ABCA4: variants seen among roughly 807,000 people sequenced by gnomAD.
ABCA4 encodes the protein ATP binding cassette subfamily A member 4, also known as retinal-specific phospholipid-transporting ATPase ABCA4.
A neutral mutation model predicts 263.7 loss-of-function variants in ABCA4; 196 were observed. That is an observed-to-expected ratio of 0.74 (90% CI 0.66 to 0.84). ABCA4 has a LOEUF of 0.84. Ranked by LOEUF, ABCA4 falls within the 40% of genes least tolerant of loss-of-function variation. ABCA4 has a pLI of 0.00. For synonymous variants in ABCA4, 1,133 were observed against 1,094.2 expected (o/e 1.04, Z -0.70); for missense variants, 2,792 against 2,855.1 (o/e 0.98, Z 0.50).
chr1:94,072,791 C>T (rs760240811), intron 11 of ABCA4, among the ~76,000 whole-genome samples: 1 of 152,206 alleles, frequency 6.6e-6, no homozygotes, highest in Non-Finnish European at 1.5e-5. Context: ...TATTTTCCTA[C>T]TCCACTGCCT....
intron 14 of ABCA4, among the ~76,000 whole-genome samples, chr1:94,060,183 A>G (rs1661080947): frequency 6.6e-6 from 1 of 152,220 alleles, no homozygotes; most frequent in Non-Finnish European, 1.5e-5. Context: ...CACTCCCTGA[A>G]CTGATTTTTT....
intron 19 of ABCA4, among the ~76,000 whole-genome samples, 195 bp from the exon 20 acceptor site, chr1:94,044,939 C>A (rs1437908025): frequency 6.6e-6 from 1 of 152,230 alleles, no homozygotes; most frequent in Non-Finnish European, 1.5e-5. Flanking sequence ...AGAGGGCCAC[C>A]TCTGCCATCC....
At chr1:94,024,814 G>A in intron 31 of ABCA4, 140 bp downstream of exon 31, 1 of 684,358 alleles carries the variant, frequency 1.5e-6, no homozygotes, top group African/African-American at 1.8e-5. Context: ...TATGTTGAAT[G>A]GGGCCCTCAA....
chr1:94,018,789 G>A (rs956662329), intron 36 of ABCA4, among the ~76,000 whole-genome samples: 1 of 152,074 alleles, frequency 6.6e-6, no homozygotes, highest in African/African-American at 2.4e-5. Flanking sequence ...CCTGCAGCCT[G>A]TAATAGGGTA....
At chr1:94,005,322 T>C in intron 44 of ABCA4, 119 bp downstream of exon 44, 2 of 1,336,590 alleles carry the variant, frequency 1.5e-6, no homozygotes, top group Non-Finnish European at 2.1e-6. Context: ...AGTAAACATT[T>C]GTTGGAATGA....
At position 94,001,931 on chromosome 1, in the gene ABCA4, G is replaced by A. The variant is rs778066205; in HGVS notation, c.6209C>T (p.Thr2070Met). 1 of 1,614,162 alleles carries A rather than the reference G, an allele frequency of 6.2e-7. No individual in the cohort carries two copies. The highest frequency in any genetic ancestry group is 2.2e-5 in the East Asian group (1 of 44,872). ...LTVYADCLAG[T>M]YSGGNKRKLS... ...TTTCCGCTTGTTGCCCCCACTGTAC[G>A]TGCCAGCCAGGCAGTCGGCGTAGAC... is the stretch of plus-strand genomic sequence containing the variant. Residue 2070 changes from threonine (T) to methionine (M), a missense_variant, in exon 45 of 50, where the codon ACG (threonine) becomes ATG (methionine). By Grantham distance (81) the Thr-to-Met change is moderately conservative. Coordinates refer to ENST00000370225, the MANE Select transcript of ABCA4 (RefSeq NM_000350.3).
intron 46 of ABCA4, 33 bp downstream of exon 46, chr1:94,000,969 C>T (rs985896526): frequency 6.2e-7 from 1 of 1,613,836 alleles, no homozygotes; most frequent in Non-Finnish European, 8.5e-7. Flanking sequence ...AGAGGATTCC[C>T]ACCCACCTTC....
chr1:94,005,134 A>G (rs754797991), intron 44 of ABCA4, among the ~76,000 whole-genome samples: 4 of 152,182 alleles, frequency 2.6e-5, no homozygotes, highest in Admixed American at 1.3e-4. Flanking sequence ...ATACATATTC[A>G]TTTTGCACTG....
chr1:94,111,081 G>A (rs1191437988), intron 3 of ABCA4, among the ~76,000 whole-genome samples: 1 of 152,238 alleles, frequency 6.6e-6, no homozygotes, highest in African/African-American at 2.4e-5. Context: ...GTTGATCAGG[G>A]TGAGGGAACT....
At chr1:94,050,361 T>C (rs531093207) in intron 17 of ABCA4, among the ~76,000 whole-genome samples, 2 of 152,350 alleles carry the variant, frequency 1.3e-5, no homozygotes, top group East Asian at 1.9e-4. Context: ...TAGGGGAAGA[T>C]ACTGGATGTC....
intron 37 of ABCA4, among the ~76,000 whole-genome samples, chr1:94,015,346 G>T (rs1192313100): frequency 6.6e-6 from 1 of 152,206 alleles, no homozygotes; most frequent in Non-Finnish European, 1.5e-5. Flanking sequence ...GTCTTCTACT[G>T]TGGGCGGTAA....
intron 13 of ABCA4, among the ~76,000 whole-genome samples, chr1:94,060,979 G>A (rs938026824): frequency 6.6e-6 from 1 of 152,164 alleles, no homozygotes; most frequent in African/African-American, 2.4e-5. Context: ...TGGCTTTCTG[G>A]TTAGCCCGGG....
Position 94,037,297 on chromosome 1 carries a change from G to C in ABCA4, c.3661C>G (p.Leu1221Val). ...VVLHHVPEAK[L>V]VECIGQELIF... is the part of the protein sequence containing the mutation. Reference sequence around the variant, plus strand: ...AGTTCTTGACCAATGCACTCCACCAGCTTTGCCTCTGGAACATGGTGGAGA... The same window carrying C: ...AGTTCTTGACCAATGCACTCCACCACCTTTGCCTCTGGAACATGGTGGAGA... Residue 1221 changes from leucine to valine, a missense_variant, in exon 25 of 50, where the codon CTG becomes GTG. Physicochemically the swap from Leu to Val is conservative, Grantham distance 32. Coordinates refer to ENST00000370225, the MANE Select transcript of ABCA4 (RefSeq NM_000350.3). 6.2e-7 allele frequency: 1 copy of C among 1,614,220 alleles called. No homozygotes were observed. The highest frequency in any genetic ancestry group is 8.5e-7 in the Non-Finnish European group (1 of 1,180,044).
At chr1:94,033,292 C>T (rs917562891) in intron 26 of ABCA4, among the ~76,000 whole-genome samples, 4 of 151,974 alleles carry the variant, frequency 2.6e-5, no homozygotes, top group Admixed American at 6.5e-5. Context: ...GGCACGGTGG[C>T]GTGTGCCTGT....
chr1:94,056,694 G>A lies in ABCA4; in HGVS notation c.2289C>T (p.Ala763=). Reference sequence around the variant, plus strand: ...GGGTGAAATAGATGACACCACTACAGGCTGCTGCCAGACTGGCCTTGGAGA... The same window carrying A: ...GGGTGAAATAGATGACACCACTACAAGCTGCTGCCAGACTGGCCTTGGAGA... ...TFFSKASLAA[A]CSGVIYFTLY... is the part of the protein sequence containing the mutation. Residue 763 remains alanine (A), a synonymous_variant, in exon 15 of 50, where the codon GCC becomes GCT. Coordinates refer to ENST00000370225, the MANE Select transcript of ABCA4 (RefSeq NM_000350.3). 1 of 1,614,180 alleles carries A rather than the reference G, an allele frequency of 6.2e-7. No homozygotes were observed. The highest frequency in any genetic ancestry group is 8.5e-7 in the Non-Finnish European group (1 of 1,180,022).
At chr1:94,119,305 G>A (rs1042375025) in intron 1 of ABCA4, among the ~76,000 whole-genome samples, 1 of 152,180 alleles carries the variant, frequency 6.6e-6, no homozygotes, top group Non-Finnish European at 1.5e-5. Flanking sequence ...GCTTGACAGA[G>A]GAAAGTGACC....
chr1:94,079,953 A>C lies in ABCA4; in HGVS notation c.1100-492T>G, dbSNP rs374616902. Among the ~76,000 whole-genome samples, 19 of 150,886 alleles carry C rather than the reference A, an allele frequency of 1.3e-4. 1 individual carries two copies. Among genetic ancestry groups the C allele is most frequent in the Admixed American group, 8.0e-4 (12 of 15,018 alleles). On this transcript the variant is annotated intron_variant, in intron 8 of 49. Transcript: ENST00000370225. ...TTTAACTAGAGGGGCAGCCAGTTAC[A>C]TTTCTTCCCCACCCCATCCTCCTTT...
At chr1:94,108,948 A>G (rs576214892) in intron 3 of ABCA4, among the ~76,000 whole-genome samples, 1 of 151,848 alleles carries the variant, frequency 6.6e-6, no homozygotes, top group South Asian at 2.1e-4. Context: ...AATTTTTTAT[A>G]TTTTTAGTAG....
chr1:94,057,061 C>T (rs1289471871), intron 14 of ABCA4, among the ~76,000 whole-genome samples: 3 of 152,204 alleles, frequency 2.0e-5, no homozygotes, highest in South Asian at 2.1e-4. Flanking sequence ...TAGGTTGAAA[C>T]GGCCCCAGCA....
Sources: gnomAD v4.1 joint callset for allele counts (sites outside exome capture counted in the v4.1 genomes callset) on GRCh38, gnomAD v4.1.1 for gene constraint, MANE v1.5 for transcripts, NCBI Gene and HGNC (gene_info 2026-07-23, HGNC 2026-07-21) for gene names.